CCBE1: variants seen among roughly 807,000 people sequenced by gnomAD.
CCBE1 encodes collagen and calcium binding EGF domains 1, also known as collagen and calcium-binding EGF domain-containing protein 1.
In CCBE1, 37 loss-of-function variants were observed where a neutral mutation model predicts 50.0. The ratio of observed to expected loss-of-function variants is 0.74; its 90% CI spans 0.57 to 0.97. The LOEUF (loss-of-function observed/expected upper bound fraction) is 0.97, where lower values mean the gene tolerates loss of function less well. Ranked by LOEUF, CCBE1 falls within the 50% of genes least tolerant of loss-of-function variation. The pLI is 0.00. For missense variants in CCBE1, 538 were observed against 523.8 expected (o/e 1.03, Z -0.26); for synonymous variants, 234 against 203.7 (o/e 1.15, Z -1.27).
chr18:59,439,336 A>G (rs1048181412), intron 9 of CCBE1, among the ~76,000 whole-genome samples: 1 of 151,834 alleles, frequency 6.6e-6, no homozygotes, highest in African/African-American at 2.4e-5. Context: ...GTGGTGGTGC[A>G]CACCTGTGGT....
At chr18:59,528,066 G>T (rs1172064385) in intron 2 of CCBE1, among the ~76,000 whole-genome samples, 1 of 152,168 alleles carries the variant, frequency 6.6e-6, no homozygotes, top group Admixed American at 6.5e-5. Flanking sequence ...ATATCCTGGA[G>T]TATGTTTTCC....
At chr18:59,536,772 G>A (rs116990749) in intron 2 of CCBE1, among the ~76,000 whole-genome samples, 2,188 of 152,214 alleles carry the variant, frequency 0.014, 27 homozygotes, top group Middle Eastern at 0.041. Flanking sequence ...GGCAGATCAC[G>A]AGGGTAGGAG....
chr18:59,473,928 T>TG (rs1912185499), intron 3 of CCBE1, among the ~76,000 whole-genome samples: 1 of 147,764 alleles, frequency 6.8e-6, no homozygotes, highest in Admixed American at 6.8e-5. Context: ...CTTGTTCCTA[T>TG]GTTTATGTCC....
At position 59,647,648 on chromosome 18, in the gene CCBE1, A is replaced by T. The variant is rs531463358; in HGVS notation, c.212+48981T>A. ...TCAAAGGAAATGCACGCATATTAGAACTTTCCCTCCACCTGTGAATAATTA... is the reference window on the plus strand; with the variant it reads ...TCAAAGGAAATGCACGCATATTAGATCTTTCCCTCCACCTGTGAATAATTA... On this transcript the variant is annotated intron_variant, in intron 2 of 10. Coordinates refer to ENST00000439986, the MANE Select transcript of CCBE1 (RefSeq NM_133459.4). Among the ~76,000 whole-genome samples, 3 of 152,172 alleles carry T rather than the reference A, an allele frequency of 2.0e-5. No individual in the cohort carries two copies. The South Asian group carries it at 6.2e-4, about 32-fold the overall frequency.
intron 2 of CCBE1, among the ~76,000 whole-genome samples, chr18:59,674,078 C>CT (rs1282367563): frequency 2.0e-5 from 3 of 152,102 alleles, no homozygotes; most frequent in Non-Finnish European, 2.9e-5. Context: ...GTCCCAGGCT[C>CT]TTTTTGGTTG....
chr18:59,590,449 T>G (rs1451650354), intron 2 of CCBE1, among the ~76,000 whole-genome samples: 1 of 152,224 alleles, frequency 6.6e-6, no homozygotes, highest in Non-Finnish European at 1.5e-5. Context: ...CTCCTTAATT[T>G]ATAAATTTCA....
chr18:59,502,891 A>G (rs1598958112), intron 2 of CCBE1, among the ~76,000 whole-genome samples: 1 of 152,292 alleles, frequency 6.6e-6, no homozygotes, highest in African/African-American at 2.4e-5. Context: ...AGTCTCTCCT[A>G]TCAAAGGATG....
At chr18:59,578,786 C>T (rs1229112524) in intron 2 of CCBE1, among the ~76,000 whole-genome samples, 1 of 152,078 alleles carries the variant, frequency 6.6e-6, no homozygotes, top group Non-Finnish European at 1.5e-5. Context: ...TATCACACAC[C>T]AGGGCCCGTC....
chr18:59,466,957 A>G, intron 4 of CCBE1, 66 bp from the exon 5 acceptor site: 6 of 1,412,240 alleles, frequency 4.2e-6, no homozygotes, highest in Non-Finnish European at 6.0e-6. Context: ...AACAGATGAC[A>G]TTGGGCTTTG....
At chr18:59,599,549 T>C (rs1287538897) in intron 2 of CCBE1, among the ~76,000 whole-genome samples, 1 of 152,232 alleles carries the variant, frequency 6.6e-6, no homozygotes, top group African/African-American at 2.4e-5. Flanking sequence ...CTCACTCATA[T>C]AGTCACATTT....
intron 2 of CCBE1, among the ~76,000 whole-genome samples, chr18:59,614,281 T>G (rs1193849431): frequency 6.6e-6 from 1 of 152,200 alleles, no homozygotes; most frequent in Non-Finnish European, 1.5e-5. Flanking sequence ...ATTACAGGCA[T>G]GAGCCATCGT....
chr18:59,498,893 C>A (rs1267783888), intron 2 of CCBE1, among the ~76,000 whole-genome samples: 1 of 152,166 alleles, frequency 6.6e-6, no homozygotes, highest in Non-Finnish European at 1.5e-5. Flanking sequence ...CTTTGAAATG[C>A]TTTTTAATCT....
chr18:59,590,380 G>A (rs781261520), intron 2 of CCBE1, among the ~76,000 whole-genome samples: 3 of 152,062 alleles, frequency 2.0e-5, no homozygotes, highest in Admixed American at 6.6e-5. Context: ...ACGGCAAAAA[G>A]GTAAACAATA....
intron 2 of CCBE1, among the ~76,000 whole-genome samples, chr18:59,591,493 T>G (rs975254137): frequency 6.6e-6 from 1 of 152,078 alleles, no homozygotes; most frequent in Non-Finnish European, 1.5e-5. Context: ...CACATATACA[T>G]CGTATAAACT....
intron 2 of CCBE1, among the ~76,000 whole-genome samples, chr18:59,520,316 T>C (rs1914544164): frequency 6.6e-6 from 1 of 152,204 alleles, no homozygotes; most frequent in South Asian, 2.1e-4. Flanking sequence ...GGATGGAATG[T>C]TTTTCCATTT....
In CCBE1 at chr18:59,496,006, AT is replaced by A. The variant is rs376311114; in HGVS notation, c.213-15769del. Among the ~76,000 whole-genome samples the A allele has an allele frequency of 4.8e-3, 733 of 152,318 alleles. 2 individuals are homozygous for A. The highest frequency in any genetic ancestry group is 0.016 in the African/African-American group (685 of 41,558). On this transcript the variant is annotated intron_variant, in intron 2 of 10. Transcript: ENST00000439986. ...ACTTAGGCTCTTTGATAGTGGAAGC[AT>A]TGTTTAATTAGAAGAGAGAAACTAC...
intron 5 of CCBE1, among the ~76,000 whole-genome samples, chr18:59,464,558 T>C (rs548679361): frequency 5.8e-4 from 88 of 152,378 alleles, no homozygotes; most frequent in African/African-American, 2.0e-3. Flanking sequence ...GCCACATGCT[T>C]CAGGCTTTAA....
chr18:59,475,975 T>A (rs1331273885), intron 3 of CCBE1, among the ~76,000 whole-genome samples: 2 of 152,338 alleles, frequency 1.3e-5, no homozygotes, highest in East Asian at 1.9e-4. Context: ...CGCCTTGGCC[T>A]CCCAAGTGTT....
At chr18:59,557,807 C>T (rs753811494) in intron 2 of CCBE1, among the ~76,000 whole-genome samples, 1 of 152,068 alleles carries the variant, frequency 6.6e-6, no homozygotes, top group Non-Finnish European at 1.5e-5. Context: ...GCTTTCGCTG[C>T]TTCGTTCTTT....
Sources: gnomAD v4.1 joint callset for allele counts (sites outside exome capture counted in the v4.1 genomes callset) on GRCh38, gnomAD v4.1.1 for gene constraint, MANE v1.5 for transcripts, NCBI Gene and HGNC (gene_info 2026-07-23, HGNC 2026-07-21) for gene names.